Variants in CDH17 observed in about 807,000 individuals in gnomAD.
CDH17 encodes cadherin-17.
In CDH17, 67 loss-of-function variants were observed where a neutral mutation model predicts 86.3. That is an observed-to-expected ratio of 0.78 (90% confidence interval 0.64 to 0.95). The LOEUF (loss-of-function observed/expected upper bound fraction) is 0.95. Among genes scored for constraint, CDH17 ranks in the 40% least tolerant of loss-of-function variants. The pLI is 0.00. For missense variants in CDH17, 993 were observed against 1,017.6 expected, an observed-to-expected ratio of 0.98 and a Z score of 0.33; for synonymous variants, 367 against 366.4, an observed-to-expected ratio of 1.00 and a Z score of -0.02.
intron 8 of CDH17, 98 bp downstream of exon 8, chr8:94,170,756 G>GT (rs377343546): frequency 0.017 from 21,069 of 1,205,446 alleles, no homozygotes; most frequent in South Asian, 0.027. Context: ...TGAAATGTGT[G>GT]TTTTTTTTTT....
chr8:94,151,977 C>T lies in CDH17; in HGVS notation c.1687G>A (p.Ala563Thr), dbSNP rs200178153. 4.8e-5 allele frequency: 78 copies of T among 1,614,206 alleles called. No individual in the cohort carries two copies. The highest frequency in any genetic ancestry group is 6.6e-5 in the Non-Finnish European group (78 of 1,180,026). Residue 563 changes from alanine to threonine, a missense_variant, in exon 13 of 18, where the codon GCA (alanine) becomes ACA (threonine). Ala to Thr is a moderately conservative substitution (Grantham distance 58). Coordinates refer to ENST00000027335, the MANE Select transcript of CDH17 (RefSeq NM_004063.4). ...FTLIVTDVNEAPQFSQHVFQA... is the reference protein window; with the variant it reads ...FTLIVTDVNETPQFSQHVFQA... Reference sequence around the variant, plus strand: ...AATACGTGTTGGGAAAATTGAGGTGCTTCATTCACATCTGTCACAATAAGC... The same window carrying T: ...AATACGTGTTGGGAAAATTGAGGTGTTTCATTCACATCTGTCACAATAAGC...
rs1812339874 is a variant in CDH17 at position 94,128,274 on chromosome 8, G to A, written c.2465C>T (p.Ala822Val). 3.1e-6 allele frequency: 5 copies of A among 1,613,274 alleles called. No individual in the cohort carries two copies. The highest frequency in any genetic ancestry group is 1.3e-5 in the African/African-American group (1 of 75,006). ...CAGAGGTTTGACTTCAGATGCTTGA[G>A]CACTTTCAACATTATCTTTGCCTTT... ...KDKGKDNVES[A>V]QASEVKPLRS Residue 822 changes from alanine to valine, a missense_variant, in exon 18 of 18, where the codon GCT becomes GTT. Coordinates refer to ENST00000027335, the MANE Select transcript of CDH17 (RefSeq NM_004063.4).
At chr8:94,188,395 G>T (rs1813622406) in intron 3 of CDH17, among the ~76,000 whole-genome samples, 1 of 152,124 alleles carries the variant, frequency 6.6e-6, no homozygotes. Flanking sequence ...GTTAATGGAA[G>T]GCACTTGCCT....
Position 94,151,911 on chromosome 8 carries a change from C to G in CDH17, c.1753G>C (p.Val585Leu), listed in dbSNP as rs764996477. 6.2e-7 allele frequency: 1 copy of G among 1,614,200 alleles called. No homozygotes were observed. The highest frequency in any genetic ancestry group is 8.5e-7 in the Non-Finnish European group (1 of 1,180,024). The change falls in exon 13 of 18, where the codon GTG becomes CTG. Residue 585 changes from valine to leucine, a missense_variant. Physicochemically the swap from Val to Leu is conservative, Grantham distance 32. Transcript: ENST00000027335. ...GGATCCTTGGCAGTCACATTGCCCA[C>G]TTTAGTGCCTATAGCTACATCCTCA... Reference protein sequence around the residue: ...VSEDVAIGTKVGNVTAKDPEG... With the variant: ...VSEDVAIGTKLGNVTAKDPEG...
chr8:94,157,870 T>C (rs1586248661), intron 12 of CDH17, among the ~76,000 whole-genome samples: 1 of 152,206 alleles, frequency 6.6e-6, no homozygotes, highest in African/African-American at 2.4e-5. Context: ...GAGCTATGAC[T>C]GCGGCACTGC....
At chr8:94,176,724 A>G in intron 4 of CDH17, 45 bp from the exon 5 acceptor site, 1 of 1,571,836 alleles carries the variant, frequency 6.4e-7, no homozygotes, top group South Asian at 1.2e-5. Context: ...ACTGAACTTC[A>G]TGTCACATGC....
intron 12 of CDH17, among the ~76,000 whole-genome samples, chr8:94,153,961 ATT>A (rs754426246): frequency 4.6e-5 from 7 of 152,196 alleles, no homozygotes; most frequent in Non-Finnish European, 8.8e-5. Context: ...TAAAATATCT[ATT>A]TTACAACGTG....
At chr8:94,214,250 A>G (rs1814164141) in intron 1 of CDH17, among the ~76,000 whole-genome samples, 1 of 152,100 alleles carries the variant, frequency 6.6e-6, no homozygotes, top group South Asian at 2.1e-4. Flanking sequence ...TCATGGGGTC[A>G]AGTAGGAGAC....
chr8:94,162,240 T>C, intron 10 of CDH17, 78 bp from the exon 11 acceptor site: 1 of 970,954 alleles, frequency 1.0e-6, no homozygotes, highest in African/African-American at 1.6e-5. Flanking sequence ...AAGAAAATAC[T>C]TGGCAAGTGA....
chr8:94,170,628 T>C, intron 8 of CDH17, 81 bp from the exon 9 acceptor site: 2 of 1,488,580 alleles, frequency 1.3e-6, no homozygotes, highest in Non-Finnish European at 1.8e-6. Flanking sequence ...GTTTCATTTC[T>C]ATGTCATTTA....
intron 15 of CDH17, among the ~76,000 whole-genome samples, chr8:94,133,250 TG>T (rs1334054479): frequency 1.3e-5 from 2 of 152,208 alleles, no homozygotes; most frequent in Non-Finnish European, 2.9e-5. Flanking sequence ...TGAATTACCT[TG>T]GGCAGTATGG....
chr8:94,144,561 C>G (rs1458539767), intron 15 of CDH17, among the ~76,000 whole-genome samples: 1 of 151,628 alleles, frequency 6.6e-6, no homozygotes, highest in African/African-American at 2.4e-5. Context: ...AATGCAAAAG[C>G]TAAAACTATA....
chr8:94,180,677 C>T (rs1012454436), intron 3 of CDH17, among the ~76,000 whole-genome samples: 17 of 151,914 alleles, frequency 1.1e-4, no homozygotes, highest in African/African-American at 3.4e-4. Flanking sequence ...TGGGCAGTCA[C>T]GAGATTAGGA....
At chr8:94,131,114 C>G (rs1235169915) in intron 15 of CDH17, 122 bp from the exon 16 acceptor site, 2 of 650,844 alleles carry the variant, frequency 3.1e-6, no homozygotes, top group Non-Finnish European at 5.5e-6. Context: ...GTTAAACTGC[C>G]CAAAGTATCA....
chr8:94,161,975 A>C, intron 11 of CDH17, 111 bp downstream of exon 11: 1 of 677,956 alleles, frequency 1.5e-6, no homozygotes, highest in Non-Finnish European at 2.6e-6. Context: ...GACCAAGGTT[A>C]CCTGTTAAGT....
intron 9 of CDH17, among the ~76,000 whole-genome samples, chr8:94,168,929 G>A (rs561504581): frequency 3.3e-5 from 5 of 152,052 alleles, no homozygotes; most frequent in East Asian, 3.9e-4. Flanking sequence ...CTGCTCTGCC[G>A]TACTCTTTCC....
At chr8:94,167,176 C>T (rs541904334) in intron 9 of CDH17, among the ~76,000 whole-genome samples, 61 of 152,204 alleles carry the variant, frequency 4.0e-4, no homozygotes, top group Middle Eastern at 3.4e-3. Flanking sequence ...GTTTGTGGTC[C>T]TAAGTATTTT....
chr8:94,178,336 T>C (rs1405858157), intron 3 of CDH17, among the ~76,000 whole-genome samples: 1 of 152,100 alleles, frequency 6.6e-6, no homozygotes, highest in African/African-American at 2.4e-5. Flanking sequence ...TATATTTTTA[T>C]TAAATTAAAA....
intron 8 of CDH17, 21 bp from the exon 9 acceptor site, chr8:94,170,568 T>C (rs1256407621): frequency 6.2e-7 from 1 of 1,612,416 alleles, no homozygotes; most frequent in South Asian, 1.1e-5. Flanking sequence ...AAAGTCAGAG[T>C]TAAGGCAAGA....
Sources: gnomAD v4.1 joint callset for allele counts (sites outside exome capture counted in the v4.1 genomes callset) on GRCh38, gnomAD v4.1.1 for gene constraint, MANE v1.5 for transcripts, NCBI Gene and HGNC (gene_info 2026-07-23, HGNC 2026-07-21) for gene names.